The following EYA2 variants were observed in gnomAD, a reference collection of about 807,000 sequenced individuals.
The protein encoded by EYA2 is protein phosphatase EYA2.
Under a neutral mutation model 69.2 loss-of-function variants are expected in EYA2, and 31 were observed. The observed-to-expected ratio is 0.45, with a 90% CI of 0.34 to 0.60. The LOEUF (loss-of-function observed/expected upper bound fraction) is 0.60. Ranked by LOEUF, EYA2 falls within the 20% of genes least tolerant of loss-of-function variation. The probability of loss-of-function intolerance (pLI) is 0.02; values close to 1 mark genes in which losing one functional copy is unlikely to be tolerated. For synonymous variants in EYA2, 257 were observed against 279.4 expected, an observed-to-expected ratio of 0.92 and a Z score of 0.80; for missense variants, 622 against 701.2, an observed-to-expected ratio of 0.89 and a Z score of 1.28.
Position 47,024,687 on chromosome 20 carries a change from C to T in EYA2, c.415+8390C>T, listed in dbSNP as rs1413873821. Reference sequence around the variant, plus strand: ...GACCACGGGCCTCCACCTGGGTTTTCCCTTCTTGGAAACTCTATCCTGGGG... The same window carrying T: ...GACCACGGGCCTCCACCTGGGTTTTTCCTTCTTGGAAACTCTATCCTGGGG... On this transcript the variant is annotated intron_variant, in intron 5 of 15. Transcript: ENST00000327619. 2.0e-5 allele frequency among the ~76,000 whole-genome samples: 3 copies of T among 152,340 alleles called. No homozygotes were observed. The East Asian group carries it at 5.8e-4, about 29-fold the overall frequency.
In EYA2 at chr20:47,135,590, C is replaced by A. The variant is rs1408403454; in HGVS notation, c.889-7469C>A. The stretch of plus-strand genomic sequence containing the variant: ...ACATAAACCAGTTTCAGGATGAAAT[C>A]GGCATGCCTTCCTTTTGTTCAAAGG... On this transcript the variant is annotated intron_variant, in intron 9 of 15. Transcript: ENST00000327619. Among the ~76,000 whole-genome samples the A allele has an allele frequency of 2.0e-5, 3 of 151,804 alleles. No individual in the cohort carries two copies. The East Asian group carries it at 5.8e-4, about 29-fold the overall frequency.
intron 5 of EYA2, among the ~76,000 whole-genome samples, chr20:47,036,260 CAG>C (rs71648812): frequency 0.019 from 2,949 of 152,266 alleles, 90 homozygotes; most frequent in African/African-American, 0.067. Flanking sequence ...CAAAATGTAA[CAG>C]AGTGCCAGGA....
At chr20:46,911,263 C>T (rs1299381734) in intron 1 of EYA2, among the ~76,000 whole-genome samples, 2 of 135,034 alleles carry the variant, frequency 1.5e-5, no homozygotes, top group African/African-American at 5.8e-5. Flanking sequence ...GTGTGTGTGT[C>T]CACTCTGTAT....
chr20:46,898,712 C>T (rs1383693991), intron 1 of EYA2, among the ~76,000 whole-genome samples: 1 of 152,082 alleles, frequency 6.6e-6, no homozygotes, highest in African/African-American at 2.4e-5. Flanking sequence ...GTGGTAAATA[C>T]TTGAAGTGAC....
At chr20:47,060,029 A>G (rs1206809) in intron 5 of EYA2, among the ~76,000 whole-genome samples, 122,723 of 152,214 alleles carry the variant, frequency 0.81, 50,145 homozygotes, top group African/African-American at 0.94. Flanking sequence ...CAACTAACTC[A>G]TATTTGTTAC....
chr20:47,169,564 C>T (rs550608665), intron 11 of EYA2, among the ~76,000 whole-genome samples: 1 of 152,294 alleles, frequency 6.6e-6, no homozygotes, highest in East Asian at 1.9e-4. Flanking sequence ...CTCATCACCT[C>T]AAATCACTAA....
At chr20:47,114,920 G>A (rs1283225246) in intron 9 of EYA2, among the ~76,000 whole-genome samples, 1 of 152,186 alleles carries the variant, frequency 6.6e-6, no homozygotes, top group Non-Finnish European at 1.5e-5. Flanking sequence ...CTTCTGCCAT[G>A]AATAAAAGCT....
intron 8 of EYA2, chr20:47,096,197 T>C (rs2032242061): frequency 6.6e-6 from 1 of 152,166 alleles, no homozygotes; most frequent in African/African-American, 2.4e-5. Context: ...CTCCTTAAAA[T>C]CAATCTGGGG....
intron 1 of EYA2, among the ~76,000 whole-genome samples, chr20:46,982,822 G>C (rs1311751153): frequency 1.4e-5 from 2 of 146,398 alleles, no homozygotes; most frequent in Admixed American, 1.4e-4. Context: ...CACCCAGGCT[G>C]GAGTGCAATG....
At chr20:47,090,564 A>G (rs2032053732) in intron 8 of EYA2, among the ~76,000 whole-genome samples, 2 of 151,854 alleles carry the variant, frequency 1.3e-5, no homozygotes, top group South Asian at 2.1e-4. Context: ...TCAGGTATAC[A>G]TGAGGTTTTC....
chr20:47,020,792 G>A (rs941327476), intron 5 of EYA2, among the ~76,000 whole-genome samples: 5 of 152,184 alleles, frequency 3.3e-5, no homozygotes, highest in African/African-American at 1.2e-4. Flanking sequence ...GTGACAACAT[G>A]AGGCTTTGGG....
At chr20:47,182,101 C>T (rs1034948850) in intron 14 of EYA2, among the ~76,000 whole-genome samples, 7 of 151,876 alleles carry the variant, frequency 4.6e-5, no homozygotes, top group African/African-American at 4.8e-5. Flanking sequence ...CTACAACCTC[C>T]GCCTCCTGGG....
intron 4 of EYA2, among the ~76,000 whole-genome samples, chr20:47,008,823 AG>A (rs1327759941): frequency 6.6e-6 from 1 of 152,186 alleles, no homozygotes; most frequent in African/African-American, 2.4e-5. Flanking sequence ...ATACAATGGG[AG>A]TAATACTAAG....
At chr20:47,088,329 C>A (rs1298115460) in intron 7 of EYA2, among the ~76,000 whole-genome samples, 2 of 152,246 alleles carry the variant, frequency 1.3e-5, no homozygotes, top group Non-Finnish European at 2.9e-5. Flanking sequence ...CCGTTTACCT[C>A]TGGGGCAGAG....
chr20:46,928,082 C>T (rs1024629289), intron 1 of EYA2, among the ~76,000 whole-genome samples: 1 of 152,206 alleles, frequency 6.6e-6, no homozygotes, highest in Non-Finnish European at 1.5e-5. Context: ...TGTAATTATT[C>T]TCACTTTACA....
chr20:46,974,417 ACTTGGGTCCAGGTCATTG>A (rs1487740567), intron 1 of EYA2, among the ~76,000 whole-genome samples: 1 of 152,124 alleles, frequency 6.6e-6, no homozygotes, highest in Admixed American at 6.6e-5. Context: ...TAGTGGTCTC[ACTTGGGTCCAGGTCATTG>A]CAATGGGCTA....
chr20:46,916,305 A>G (rs934297992), intron 1 of EYA2, among the ~76,000 whole-genome samples: 1 of 152,180 alleles, frequency 6.6e-6, no homozygotes, highest in East Asian at 1.9e-4. Flanking sequence ...AATGGTCTTT[A>G]ACTGCTCGAG....
chr20:46,964,821 G>A (rs932941514), intron 1 of EYA2, among the ~76,000 whole-genome samples: 1 of 152,198 alleles, frequency 6.6e-6, no homozygotes, highest in Non-Finnish European at 1.5e-5. Flanking sequence ...TCTAGAGTCT[G>A]TGTGCCCCAG....
chr20:46,911,307 C>T (rs965456391), intron 1 of EYA2, among the ~76,000 whole-genome samples: 1 of 151,854 alleles, frequency 6.6e-6, no homozygotes, highest in Non-Finnish European at 1.5e-5. Context: ...TCCATGTGGA[C>T]ATCATGCACC....
Sources: gnomAD v4.1 joint callset for allele counts (sites outside exome capture counted in the v4.1 genomes callset) on GRCh38, gnomAD v4.1.1 for gene constraint, MANE v1.5 for transcripts, NCBI Gene and HGNC (gene_info 2026-07-23, HGNC 2026-07-21) for gene names.